The following AGBL4 variants were observed in gnomAD, a reference collection of about 807,000 sequenced individuals.
AGBL4 encodes AGBL carboxypeptidase 4.
Under a neutral mutation model 66.4 loss-of-function variants are expected in AGBL4, and 58 were observed. That is an observed-to-expected ratio of 0.87 (90% CI 0.71 to 1.09). The LOEUF (loss-of-function observed/expected upper bound fraction) is 1.09, where lower values mean the gene tolerates loss of function less well. AGBL4 is among the 50% of genes least tolerant of loss of function. The probability of loss-of-function intolerance (pLI) is 0.00; values close to 1 mark genes in which losing one functional copy is unlikely to be tolerated. For missense variants in AGBL4, 579 were observed against 631.0 expected, an observed-to-expected ratio of 0.92 and a Z score of 0.88; for synonymous variants, 234 against 222.9, an observed-to-expected ratio of 1.05 and a Z score of -0.44.
At chr1:49,548,605 C>T (rs1652697359) in intron 3 of AGBL4, among the ~76,000 whole-genome samples, 1 of 152,132 alleles carries the variant, frequency 6.6e-6, no homozygotes, top group Non-Finnish European at 1.5e-5. Flanking sequence ...TTAAACCATG[C>T]CTGAATCCCT....
intron 2 of AGBL4, among the ~76,000 whole-genome samples, chr1:49,730,219 C>T (rs1240461190): frequency 6.6e-6 from 1 of 152,126 alleles, no homozygotes; most frequent in African/African-American, 2.4e-5. Flanking sequence ...TTCTGCCTTG[C>T]TCATTCTCCA....
intron 1 of AGBL4, among the ~76,000 whole-genome samples, chr1:49,978,862 A>G (rs977345106): frequency 6.6e-6 from 1 of 152,206 alleles, no homozygotes; most frequent in Non-Finnish European, 1.5e-5. Context: ...AATTTTTAAT[A>G]AAACACATGT....
intron 4 of AGBL4, among the ~76,000 whole-genome samples, chr1:49,111,144 C>T (rs1251828959): frequency 2.0e-5 from 3 of 146,472 alleles, no homozygotes; most frequent in Admixed American, 6.9e-5. Context: ...GATGGACTCT[C>T]GCTCTGTCAC....
At chr1:48,722,967 A>G (rs1473825639) in intron 6 of AGBL4, among the ~76,000 whole-genome samples, 3 of 152,200 alleles carry the variant, frequency 2.0e-5, no homozygotes, top group Non-Finnish European at 2.9e-5. Flanking sequence ...TGAGATAGAT[A>G]TTACTATTCC....
At chr1:49,340,718 G>A (rs1030200047) in intron 3 of AGBL4, among the ~76,000 whole-genome samples, 1 of 152,136 alleles carries the variant, frequency 6.6e-6, no homozygotes, top group African/African-American at 2.4e-5. Flanking sequence ...AAACGGGGCT[G>A]GGTAAAATGA....
At chr1:49,445,800 T>A (rs867867665) in intron 3 of AGBL4, among the ~76,000 whole-genome samples, 2 of 152,240 alleles carry the variant, frequency 1.3e-5, no homozygotes, top group Middle Eastern at 3.4e-3. Flanking sequence ...TTTTACAGAA[T>A]TCTTTTGTAT....
chr1:49,107,987 CT>C (rs1645331762), intron 4 of AGBL4, among the ~76,000 whole-genome samples: 1 of 152,074 alleles, frequency 6.6e-6, no homozygotes. Context: ...ACAAATAAAC[CT>C]AAAAACCCAC....
chr1:49,830,140 G>C (rs1241276405), intron 2 of AGBL4, among the ~76,000 whole-genome samples: 1 of 152,142 alleles, frequency 6.6e-6, no homozygotes, highest in African/African-American at 2.4e-5. Flanking sequence ...CCAGTAGTGG[G>C]ATTGCTGGGT....
chr1:50,011,467 C>A (rs931825402), intron 1 of AGBL4, among the ~76,000 whole-genome samples: 1 of 152,106 alleles, frequency 6.6e-6, no homozygotes, highest in Non-Finnish European at 1.5e-5. Flanking sequence ...TGTTGAGAAG[C>A]GTTTGGAGGT....
intron 11 of AGBL4, among the ~76,000 whole-genome samples, chr1:48,541,381 A>G (rs571098322): frequency 1.3e-5 from 2 of 152,326 alleles, no homozygotes; most frequent in African/African-American, 2.4e-5. Flanking sequence ...CTAGCCTGCA[A>G]GCTCTATGAG....
At chr1:49,210,955 C>T (rs897484424) in intron 4 of AGBL4, among the ~76,000 whole-genome samples, 4 of 152,036 alleles carry the variant, frequency 2.6e-5, no homozygotes, top group Admixed American at 2.6e-4. Flanking sequence ...GAAATAGCAG[C>T]ATAATATCCT....
At chr1:49,803,065 T>G (rs185381693) in intron 2 of AGBL4, among the ~76,000 whole-genome samples, 2 of 150,814 alleles carry the variant, frequency 1.3e-5, no homozygotes, top group Admixed American at 6.6e-5. Context: ...AAGTTATATA[T>G]GTATTATATA....
At chr1:49,173,180 AC>A (rs1308495229) in intron 4 of AGBL4, among the ~76,000 whole-genome samples, 1 of 152,198 alleles carries the variant, frequency 6.6e-6, no homozygotes, top group African/African-American at 2.4e-5. Context: ...GAGCAAAAAT[AC>A]ATCTTAAGAC....
intron 4 of AGBL4, among the ~76,000 whole-genome samples, chr1:49,191,980 A>G (rs1184861129): frequency 2.0e-5 from 3 of 152,184 alleles, no homozygotes; most frequent in Non-Finnish European, 4.4e-5. Flanking sequence ...ATATACCTAG[A>G]AATGTGGCTG....
chr1:49,326,990 T>C (rs1282707169), intron 3 of AGBL4, among the ~76,000 whole-genome samples: 3 of 152,162 alleles, frequency 2.0e-5, no homozygotes, highest in African/African-American at 7.2e-5. Flanking sequence ...CGTTTCTGGC[T>C]TGTGGCTCCT....
chr1:49,925,914 G>C (rs922069155), intron 1 of AGBL4, among the ~76,000 whole-genome samples: 4 of 152,200 alleles, frequency 2.6e-5, no homozygotes, highest in African/African-American at 9.7e-5. Flanking sequence ...CTGGTTCCCA[G>C]ATAGCATCTT....
At chr1:48,861,600 T>C (rs1376026701) in intron 6 of AGBL4, among the ~76,000 whole-genome samples, 1 of 152,202 alleles carries the variant, frequency 6.6e-6, no homozygotes, top group Non-Finnish European at 1.5e-5. Context: ...AAAATAGGCA[T>C]ACTTCTCCAC....
chr1:49,208,185 G>A (rs1297146899), intron 4 of AGBL4, among the ~76,000 whole-genome samples: 5 of 152,018 alleles, frequency 3.3e-5, no homozygotes, highest in Admixed American at 3.3e-4. Flanking sequence ...GAGAGGTTTG[G>A]TATTTTGCCC....
intron 3 of AGBL4, among the ~76,000 whole-genome samples, chr1:49,509,807 C>A (rs1649041906): frequency 6.6e-6 from 1 of 151,744 alleles, no homozygotes; most frequent in African/African-American, 2.4e-5. Context: ...ATAGGGGTAA[C>A]AATATTACCT....
Sources: allele counts gnomAD v4.1 joint callset (sites outside exome capture counted in the v4.1 genomes callset), GRCh38; gene constraint gnomAD v4.1.1; transcripts MANE v1.5; gene names NCBI Gene and HGNC (gene_info 2026-07-23, HGNC 2026-07-21).